Variants in CDC5L observed in about 807,000 individuals in gnomAD.
CDC5L encodes the protein cell division cycle 5-like protein.
Under a neutral mutation model 104.1 loss-of-function variants are expected in CDC5L, and 18 were observed. The ratio of observed to expected loss-of-function variants is 0.17; its 90% confidence interval spans 0.12 to 0.26. The LOEUF is 0.26. CDC5L is among the 10% of genes least tolerant of loss of function. The pLI, the probability that CDC5L is intolerant of heterozygous loss-of-function variation, is 1.00. For missense variants in CDC5L, 673 were observed against 956.9 expected (o/e 0.70, Z 3.91); for synonymous variants, 331 against 322.7 (o/e 1.03, Z -0.28).
chr6:44,426,753 G>C (rs200226121), intron 13 of CDC5L, 29 bp downstream of exon 13: 119 of 1,606,498 alleles, frequency 7.4e-5, no homozygotes, highest in Non-Finnish European at 8.8e-5. Flanking sequence ...ATTTCTTCTT[G>C]AGATTTAGGT....
chr6:44,388,423 A>G (rs1790448951), intron 1 of CDC5L, among the ~76,000 whole-genome samples: 1 of 152,070 alleles, frequency 6.6e-6, no homozygotes, highest in Admixed American at 6.5e-5. Flanking sequence ...GACAGATCCC[A>G]AGGTCTGTCT....
At chr6:44,404,549 A>G (rs747961436) in intron 6 of CDC5L, among the ~76,000 whole-genome samples, 16 of 152,156 alleles carry the variant, frequency 1.1e-4, no homozygotes, top group Admixed American at 2.0e-4. Context: ...AATGCTGTTT[A>G]TGGCTCTTGA....
intron 5 of CDC5L, among the ~76,000 whole-genome samples, chr6:44,400,745 C>T (rs540296514): frequency 2.0e-5 from 3 of 152,274 alleles, no homozygotes; most frequent in Non-Finnish European, 4.4e-5. Context: ...GATGTTGCTC[C>T]TCACAGGGTA....
At chr6:44,396,735 G>A (rs750052374) in intron 5 of CDC5L, among the ~76,000 whole-genome samples, 6 of 152,106 alleles carry the variant, frequency 3.9e-5, no homozygotes, top group Admixed American at 6.6e-5. Flanking sequence ...TCTGACCAGC[G>A]AGCTGGGTTC....
In CDC5L at chr6:44,402,580, A is replaced by G. The variant is rs141633179; in HGVS notation, c.540-1229A>G. On this transcript the variant is annotated intron_variant, in intron 5 of 15. Coordinates refer to ENST00000371477, the MANE Select transcript of CDC5L (RefSeq NM_001253.4). ...TTGTTTTCCATCTTTCATATTGTGA[A>G]TAGCTTTTCTTATCACGAAATCATT... 5.8e-4 allele frequency among the ~76,000 whole-genome samples: 88 copies of G among 152,320 alleles called. No homozygotes were observed. In the East Asian group the frequency reaches 0.016, roughly 27 times the overall value.
chr6:44,434,520 T>C (rs940605082), intron 14 of CDC5L, among the ~76,000 whole-genome samples: 1 of 152,210 alleles, frequency 6.6e-6, no homozygotes, highest in Non-Finnish European at 1.5e-5. Flanking sequence ...TCTTGACTAT[T>C]ATATGGGATC....
chr6:44,447,914 A>AG lies in CDC5L; in HGVS notation c.*1204dup, dbSNP rs1793509716. The AG allele has an allele frequency of 6.6e-6, 1 of 152,218 alleles. No homozygotes were observed. The highest frequency in any genetic ancestry group is 2.1e-4 in the South Asian group (1 of 4,830). The allele number at this position is 152,218 out of a possible 1,614,324, so 9.4% of individuals were successfully genotyped here. On this transcript the variant is annotated 3_prime_UTR_variant, in exon 16 of 16. Coordinates refer to ENST00000371477, the MANE Select transcript of CDC5L (RefSeq NM_001253.4). ...ACTAAGTATGTCCAGGGAAAGTATC[A>AG]GACCATGAGTTTTAGATTCTGTGGA...
At position 44,390,300 on chromosome 6, in the gene CDC5L, T is replaced by TG; in HGVS notation, c.81dup (p.Lys28GlufsTer6). On this transcript the variant is annotated frameshift_variant, in exon 2 of 16. Transcript: ENST00000371477. LOFTEE classifies it high-confidence loss of function. The stretch of plus-strand genomic sequence containing the variant: ...TTCTGAAAGCAGCGGTAATGAAATA[T>TG]GGGAAAAATCAGTGGTCTAGGATTG... 6.2e-7 allele frequency: 1 copy of TG among 1,613,508 alleles called. No individual in the cohort carries two copies. The highest frequency in any genetic ancestry group is 8.5e-7 in the Non-Finnish European group (1 of 1,179,654).
chr6:44,418,566 C>T (rs1269394480), intron 8 of CDC5L, among the ~76,000 whole-genome samples: 23 of 152,092 alleles, frequency 1.5e-4, no homozygotes, highest in Non-Finnish European at 2.8e-4. Flanking sequence ...CCTGAGGAAT[C>T]GCCACACTGA....
chr6:44,436,476 T>A (rs1361937728), intron 14 of CDC5L, among the ~76,000 whole-genome samples: 1 of 152,230 alleles, frequency 6.6e-6, no homozygotes, highest in Non-Finnish European at 1.5e-5. Flanking sequence ...GTTGAAATAG[T>A]TGACATATTT....
chr6:44,427,881 G>A (rs1458264473), intron 13 of CDC5L, among the ~76,000 whole-genome samples: 1 of 152,150 alleles, frequency 6.6e-6, no homozygotes, highest in African/African-American at 2.4e-5. Flanking sequence ...CCTAAAACAA[G>A]GATCACATTG....
chr6:44,414,166 A>G lies in CDC5L; in HGVS notation c.1093-5283A>G, dbSNP rs145351056. ...ACCATTATGGCTCACTGCAGACTCA[A>G]CTTCTCTGGTTCAAGCAGCCCTCCC... On this transcript the variant is annotated intron_variant, in intron 8 of 15. Coordinates refer to ENST00000371477, the MANE Select transcript of CDC5L (RefSeq NM_001253.4). Among the ~76,000 whole-genome samples the G allele has an allele frequency of 2.2e-4, 33 of 152,090 alleles. No homozygotes were observed. In the East Asian group the frequency reaches 6.2e-3, roughly 29 times the overall value.
chr6:44,439,910 T>A lies in CDC5L; in HGVS notation c.2092-5745T>A, dbSNP rs1449175440. 2.0e-5 allele frequency among the ~76,000 whole-genome samples: 3 copies of A among 152,292 alleles called. No individual in the cohort carries two copies. The East Asian group carries it at 5.8e-4, about 29-fold the overall frequency. On this transcript the variant is annotated intron_variant, in intron 14 of 15. Transcript: ENST00000371477. Reference sequence around the variant, plus strand: ...AAACAGCTGGGCAGCAATGCTGGGTTGTAAGAGTGACTCACTCTTACCCCG... The same window carrying A: ...AAACAGCTGGGCAGCAATGCTGGGTAGTAAGAGTGACTCACTCTTACCCCG...
intron 2 of CDC5L, among the ~76,000 whole-genome samples, chr6:44,390,613 G>A (rs567853289): frequency 6.6e-6 from 1 of 152,190 alleles, no homozygotes; most frequent in Non-Finnish European, 1.5e-5. Flanking sequence ...ATAATACTTG[G>A]TCCTGACTGA....
chr6:44,441,264 T>G (rs1793174981), intron 14 of CDC5L, among the ~76,000 whole-genome samples: 1 of 152,236 alleles, frequency 6.6e-6, no homozygotes, highest in Non-Finnish European at 1.5e-5. Context: ...TGTGCCTGGC[T>G]TATCATAGTT....
intron 6 of CDC5L, 68 bp downstream of exon 6, chr6:44,404,095 T>G: frequency 9.4e-7 from 1 of 1,068,470 alleles, no homozygotes; most frequent in South Asian, 1.7e-5. Flanking sequence ...GGGCCAAGTA[T>G]TATCCTTGTC....
Position 44,419,431 on chromosome 6 carries a change from T to C in CDC5L, c.1093-18T>C. ...GTCTAAACTTTTAAACTTGCTTCTTTGTCTTCTTGTTAATCAGGAAGCCCA... is the reference window on the plus strand; with the variant it reads ...GTCTAAACTTTTAAACTTGCTTCTTCGTCTTCTTGTTAATCAGGAAGCCCA... On this transcript the variant is annotated intron_variant, in intron 8 of 15. Coordinates refer to ENST00000371477, the MANE Select transcript of CDC5L (RefSeq NM_001253.4). 6.2e-7 allele frequency: 1 copy of C among 1,612,612 alleles called. No homozygotes were observed. The highest frequency in any genetic ancestry group is 8.5e-7 in the Non-Finnish European group (1 of 1,179,400).
At chr6:44,410,221 G>A (rs1311913506) in intron 8 of CDC5L, among the ~76,000 whole-genome samples, 1 of 151,936 alleles carries the variant, frequency 6.6e-6, no homozygotes, top group African/African-American at 2.4e-5. Flanking sequence ...ATATCTCCCT[G>A]GTTCCCTCAC....
intron 5 of CDC5L, among the ~76,000 whole-genome samples, chr6:44,401,121 T>G (rs1389400441): frequency 6.6e-6 from 1 of 152,204 alleles, no homozygotes; most frequent in Non-Finnish European, 1.5e-5. Flanking sequence ...CTAGAACTTC[T>G]CTATACTCTG....
Sources: allele counts gnomAD v4.1 joint callset (sites outside exome capture counted in the v4.1 genomes callset), GRCh38; gene constraint gnomAD v4.1.1; transcripts MANE v1.5; gene names NCBI Gene and HGNC (gene_info 2026-07-23, HGNC 2026-07-21).